The following PIK3C2G variants were observed in gnomAD, a reference collection of about 807,000 sequenced individuals.
PIK3C2G encodes the protein phosphatidylinositol 3-kinase C2 domain-containing subunit gamma.
PIK3C2G carries 168 observed loss-of-function variants against 181.1 expected under a neutral mutation model. The observed-to-expected ratio is 0.93, with a 90% CI of 0.82 to 1.05. PIK3C2G has a LOEUF of 1.05. PIK3C2G is among the 50% of genes least tolerant of loss of function. The pLI, the probability that PIK3C2G is intolerant of heterozygous loss-of-function variation, is 0.00. For missense variants in PIK3C2G, 1,869 were observed against 1,732.8 expected, an observed-to-expected ratio of 1.08 and a Z score of -1.40; for synonymous variants, 573 against 592.2, an observed-to-expected ratio of 0.97 and a Z score of 0.47.
chr12:18,466,608 A>G (rs1371800303), intron 18 of PIK3C2G, among the ~76,000 whole-genome samples: 2 of 151,942 alleles, frequency 1.3e-5, no homozygotes, highest in African/African-American at 4.8e-5. Context: ...AGTCTATTCT[A>G]AGGAATATTT....
chr12:18,246,352 T>C (rs1948039787), upstream of PIK3C2G, among the ~76,000 whole-genome samples: 1 of 152,160 alleles, frequency 6.6e-6, no homozygotes, highest in African/African-American at 2.4e-5. Context: ...AGTGAATCCA[T>C]TTCTCATAAG....
chr12:18,650,269 A>G (rs922043387), downstream of PIK3C2G, among the ~76,000 whole-genome samples: 1 of 149,016 alleles, frequency 6.7e-6, no homozygotes, highest in African/African-American at 2.5e-5. Context: ...TGTTAAGAGC[A>G]AAAAACTTGA....
intron 16 of PIK3C2G, among the ~76,000 whole-genome samples, chr12:18,416,241 T>C (rs568405581): frequency 1.3e-5 from 2 of 148,254 alleles, no homozygotes; most frequent in Admixed American, 1.4e-4. Context: ...CAAGACTCCA[T>C]CTCAAAAAGA....
At chr12:18,680,134 G>A in the PIK3C2G span, among the ~76,000 whole-genome samples, 3 of 151,962 alleles carry the variant, frequency 2.0e-5, no homozygotes, top group Non-Finnish European at 4.4e-5. Flanking sequence ...GAGAAGAAAG[G>A]GATATTAAGA....
At chr12:18,260,108 T>C (rs575770272), upstream of PIK3C2G, among the ~76,000 whole-genome samples, 6 of 152,234 alleles carry the variant, frequency 3.9e-5, no homozygotes, top group South Asian at 1.2e-3. Context: ...CCTTAATCTT[T>C]GAGTTTTATC....
At chr12:18,354,613 C>A (rs1940542299) in intron 11 of PIK3C2G, among the ~76,000 whole-genome samples, 1 of 152,178 alleles carries the variant, frequency 6.6e-6, no homozygotes, top group Non-Finnish European at 1.5e-5. Context: ...CAGATGATAT[C>A]AAAATGAATG....
chr12:18,257,538 C>T (rs1036188552), upstream of PIK3C2G, among the ~76,000 whole-genome samples: 1 of 151,894 alleles, frequency 6.6e-6, no homozygotes, highest in Non-Finnish European at 1.5e-5. Context: ...ACTACTTTTG[C>T]CACAGCTGCT....
intron 8 of PIK3C2G, among the ~76,000 whole-genome samples, chr12:18,327,902 A>G (rs1245095799): frequency 6.6e-6 from 1 of 152,002 alleles, no homozygotes; most frequent in Non-Finnish European, 1.5e-5. Flanking sequence ...CATAAATAAT[A>G]TACACAATGG....
At chr12:18,672,991 T>C in the PIK3C2G span, among the ~76,000 whole-genome samples, 1 of 152,136 alleles carries the variant, frequency 6.6e-6, no homozygotes, top group Non-Finnish European at 1.5e-5. Flanking sequence ...GTGCACAGAT[T>C]GGTACATGAC....
At chr12:18,333,086 T>C (rs1326731486) in intron 8 of PIK3C2G, among the ~76,000 whole-genome samples, 1 of 152,166 alleles carries the variant, frequency 6.6e-6, no homozygotes, top group Non-Finnish European at 1.5e-5. Flanking sequence ...ATGGTGACCA[T>C]CTCTTTCTCC....
chr12:18,356,737 ATCT>A (rs1940772380), intron 11 of PIK3C2G, among the ~76,000 whole-genome samples: 2 of 152,046 alleles, frequency 1.3e-5, no homozygotes. Flanking sequence ...GCTGGCCGAA[ATCT>A]TCTGAAAGAT....
intron 22 of PIK3C2G, among the ~76,000 whole-genome samples, chr12:18,500,194 G>A (rs927631854): frequency 6.6e-6 from 1 of 152,166 alleles, no homozygotes; most frequent in Non-Finnish European, 1.5e-5. Flanking sequence ...TTGCCGGCCG[G>A]CTGGAGTTCC....
At chr12:18,303,148 C>CTT (rs1950270296) in intron 5 of PIK3C2G, among the ~76,000 whole-genome samples, 2 of 80,630 alleles carry the variant, frequency 2.5e-5, no homozygotes, top group African/African-American at 5.5e-5. Flanking sequence ...CTTTTCTTTT[C>CTT]TTTCTTCTTT....
At chr12:18,387,899 A>T (rs1943276676) in intron 14 of PIK3C2G, among the ~76,000 whole-genome samples, 2 of 152,186 alleles carry the variant, frequency 1.3e-5, no homozygotes, top group Non-Finnish European at 2.9e-5. Context: ...ACTTATCTGA[A>T]CCTGAATACC....
intron 30 of PIK3C2G, among the ~76,000 whole-genome samples, chr12:18,603,148 A>C (rs1937686077): frequency 6.6e-6 from 1 of 152,188 alleles, no homozygotes. Flanking sequence ...GAAGGGAAAA[A>C]TATTCAAGGA....
intron 31 of PIK3C2G, among the ~76,000 whole-genome samples, chr12:18,618,485 T>C (rs1332754134): frequency 6.6e-6 from 1 of 152,220 alleles, no homozygotes; most frequent in African/African-American, 2.4e-5. Context: ...ATTGATTGCC[T>C]ACTTTAAAAT....
the PIK3C2G span, among the ~76,000 whole-genome samples, chr12:18,699,377 A>T: frequency 1.3e-5 from 2 of 152,132 alleles, no homozygotes; most frequent in African/African-American, 4.8e-5. Context: ...CTGCTATCAG[A>T]GGTATCGTTT....
At chr12:18,678,255 C>G in the PIK3C2G span, among the ~76,000 whole-genome samples, 4 of 152,060 alleles carry the variant, frequency 2.6e-5, no homozygotes, top group Non-Finnish European at 5.9e-5. Context: ...CCAAATAAAC[C>G]TTTCATGCAT....
chr12:18,351,587 A>C (rs575790783), intron 11 of PIK3C2G, among the ~76,000 whole-genome samples: 2 of 152,302 alleles, frequency 1.3e-5, no homozygotes, highest in African/African-American at 2.4e-5. Flanking sequence ...TGGGAAAAAT[A>C]CTTAACCTGC....
Sources: allele counts gnomAD v4.1 joint callset (sites outside exome capture counted in the v4.1 genomes callset), GRCh38; gene constraint gnomAD v4.1.1; transcripts MANE v1.5; gene names NCBI Gene and HGNC (gene_info 2026-07-23, HGNC 2026-07-21).